Variants in ROCK1 observed in about 807,000 individuals in gnomAD.
The protein encoded by ROCK1 is Rho associated coiled-coil containing protein kinase 1.
ROCK1 carries 36 observed loss-of-function variants against 196.8 expected under a neutral mutation model. The observed-to-expected ratio is 0.18, with a 90% CI of 0.14 to 0.24. The LOEUF (loss-of-function observed/expected upper bound fraction) is 0.24, where lower values mean the gene tolerates loss of function less well. Among genes scored for constraint, ROCK1 ranks in the 10% least tolerant of loss-of-function variants. The pLI is 1.00. For missense variants in ROCK1, 920 were observed against 1,562.0 expected, an observed-to-expected ratio of 0.59 and a Z score of 6.93; for synonymous variants, 443 against 515.9, an observed-to-expected ratio of 0.86 and a Z score of 1.91.
intron 9 of ROCK1, among the ~76,000 whole-genome samples, chr18:21,036,584 T>C (rs1044067068): frequency 1.3e-5 from 2 of 152,076 alleles, no homozygotes; most frequent in African/African-American, 2.4e-5. Context: ...AGTTGAAACA[T>C]AGGTGCATGC....
chr18:21,101,426 A>C (rs1362583787), intron 1 of ROCK1, among the ~76,000 whole-genome samples: 2 of 152,218 alleles, frequency 1.3e-5, no homozygotes, highest in Non-Finnish European at 2.9e-5. Flanking sequence ...GGCAAAAGAA[A>C]ATACAATCTA....
chr18:20,994,185 GAGAA>G (rs1255521206), intron 16 of ROCK1, among the ~76,000 whole-genome samples: 2 of 152,140 alleles, frequency 1.3e-5, no homozygotes, highest in Admixed American at 6.5e-5. Flanking sequence ...GTTCATGTAG[GAGAA>G]AGAAACAGCT....
chr18:20,974,620 G>C (rs1363009443), intron 22 of ROCK1, among the ~76,000 whole-genome samples: 2 of 152,126 alleles, frequency 1.3e-5, no homozygotes, highest in East Asian at 3.9e-4. Context: ...ATGAAAGACT[G>C]TCTTTACTAA....
chr18:21,082,072 C>G (rs910000723), intron 1 of ROCK1, among the ~76,000 whole-genome samples: 6 of 152,124 alleles, frequency 3.9e-5, no homozygotes, highest in African/African-American at 1.4e-4. Context: ...CCAGCCTCAG[C>G]CTCCTGAGTA....
At chr18:21,084,573 G>A (rs922080331) in intron 1 of ROCK1, among the ~76,000 whole-genome samples, 5 of 152,104 alleles carry the variant, frequency 3.3e-5, no homozygotes, top group Non-Finnish European at 5.9e-5. Flanking sequence ...ACACCCATTA[G>A]GATAGTTATT....
intron 1 of ROCK1, among the ~76,000 whole-genome samples, chr18:21,102,430 G>A (rs947707958): frequency 6.6e-6 from 1 of 152,150 alleles, no homozygotes; most frequent in Non-Finnish European, 1.5e-5. Context: ...TAAATTCCAT[G>A]AAAGTGGGAC....
At chr18:21,049,695 T>C in intron 3 of ROCK1, 85 bp downstream of exon 3, 1 of 866,064 alleles carries the variant, frequency 1.2e-6, no homozygotes, top group Non-Finnish European at 1.8e-6. Flanking sequence ...ATAAAAACAG[T>C]ATTTTCCCAA....
chr18:20,956,618 G>C (rs1172786072), intron 29 of ROCK1, among the ~76,000 whole-genome samples: 2 of 151,980 alleles, frequency 1.3e-5, no homozygotes, highest in Non-Finnish European at 2.9e-5. Flanking sequence ...CTATGTGGGG[G>C]GAAAAAAGCC....
intron 16 of ROCK1, among the ~76,000 whole-genome samples, chr18:20,999,138 A>C (rs933549695): frequency 1.3e-5 from 2 of 152,196 alleles, no homozygotes; most frequent in Non-Finnish European, 2.9e-5. Context: ...ACCAAATTCC[A>C]CAATACATTA....
chr18:21,037,841 G>C (rs2036070220), intron 9 of ROCK1, among the ~76,000 whole-genome samples: 1 of 152,054 alleles, frequency 6.6e-6, no homozygotes, highest in Admixed American at 6.6e-5. Context: ...CCCAGTGTCT[G>C]AAATTGAACA....
chr18:21,097,124 A>T (rs2036619472), intron 1 of ROCK1, among the ~76,000 whole-genome samples: 1 of 152,224 alleles, frequency 6.6e-6, no homozygotes, highest in African/African-American at 2.4e-5. Flanking sequence ...AGTAGAGCGC[A>T]GTCTATTTTG....
intron 12 of ROCK1, among the ~76,000 whole-genome samples, chr18:21,019,777 G>T (rs1370846791): frequency 2.7e-5 from 4 of 148,970 alleles, no homozygotes; most frequent in Non-Finnish European, 5.9e-5. Flanking sequence ...CAGCCTGGAC[G>T]ACAGAGCGAG....
intron 9 of ROCK1, among the ~76,000 whole-genome samples, chr18:21,038,690 C>A (rs973856369): frequency 2.0e-5 from 3 of 152,176 alleles, no homozygotes; most frequent in Non-Finnish European, 4.4e-5. Flanking sequence ...TTACTATTCA[C>A]TGCTATTGCT....
At chr18:21,082,968 A>T (rs544901649) in intron 1 of ROCK1, among the ~76,000 whole-genome samples, 5 of 152,312 alleles carry the variant, frequency 3.3e-5, no homozygotes, top group African/African-American at 9.6e-5. Context: ...AAACAAAAAA[A>T]TCCGTCAGAG....
intron 4 of ROCK1, among the ~76,000 whole-genome samples, chr18:21,048,598 G>A (rs1043526498): frequency 6.6e-6 from 1 of 152,042 alleles, no homozygotes; most frequent in African/African-American, 2.4e-5. Context: ...TGCCCAGGCT[G>A]GAGTGCAGTG....
chr18:20,996,256 T>C (rs1030959015), intron 16 of ROCK1, among the ~76,000 whole-genome samples: 1 of 151,314 alleles, frequency 6.6e-6, no homozygotes, highest in Non-Finnish European at 1.5e-5. Context: ...AATTCCGGAG[T>C]TGAAAAATGC....
intron 2 of ROCK1, among the ~76,000 whole-genome samples, chr18:21,059,699 GAAC>G: frequency 6.6e-6 from 1 of 152,108 alleles, no homozygotes; most frequent in East Asian, 1.9e-4. Context: ...ATCTACGCAA[GAAC>G]AATAAAAACA....
At chr18:20,985,164 G>A (rs10221433) in intron 19 of ROCK1, among the ~76,000 whole-genome samples, 2,620 of 151,672 alleles carry the variant, frequency 0.017, 84 homozygotes, top group African/African-American at 0.06. Flanking sequence ...CTGTCTACGT[G>A]CTCTACTCTA....
At chr18:20,983,321 G>C (rs2035549986) in intron 20 of ROCK1, among the ~76,000 whole-genome samples, 1 of 149,240 alleles carries the variant, frequency 6.7e-6, no homozygotes, top group African/African-American at 2.5e-5. Flanking sequence ...CAAGAAAGGG[G>C]CTGGTGGAAA....
Sources: allele counts gnomAD v4.1 joint callset (sites outside exome capture counted in the v4.1 genomes callset), GRCh38; gene constraint gnomAD v4.1.1; transcripts MANE v1.5; gene names NCBI Gene and HGNC (gene_info 2026-07-23, HGNC 2026-07-21).